The following CRB1 variants were observed in gnomAD, a reference collection of about 807,000 sequenced individuals.
CRB1 encodes the protein protein crumbs homolog 1.
In CRB1, 83 loss-of-function variants were observed where a neutral mutation model predicts 120.0. That is an observed-to-expected ratio of 0.69 (90% confidence interval 0.58 to 0.83). The LOEUF (loss-of-function observed/expected upper bound fraction) is 0.83. CRB1 is among the 40% of genes least tolerant of loss of function. CRB1 has a pLI of 0.00. For missense variants in CRB1, 1,699 were observed against 1,687.6 expected, an observed-to-expected ratio of 1.01 and a Z score of -0.12; for synonymous variants, 625 against 612.5, an observed-to-expected ratio of 1.02 and a Z score of -0.30.
At chr1:197,323,794 C>G (rs1658339999) in intron 1 of CRB1, among the ~76,000 whole-genome samples, 1 of 152,078 alleles carries the variant, frequency 6.6e-6, no homozygotes, top group South Asian at 2.1e-4. Flanking sequence ...CCCTAACGCC[C>G]AAGACCTGAT....
intron 6 of CRB1, among the ~76,000 whole-genome samples, chr1:197,423,440 T>C (rs1164948502): frequency 6.6e-6 from 1 of 152,224 alleles, no homozygotes; most frequent in Non-Finnish European, 1.5e-5. Context: ...AAGATCACTT[T>C]ACAGACAGAG....
intron 1 of CRB1, among the ~76,000 whole-genome samples, chr1:197,321,306 G>T (rs550110674): frequency 6.6e-6 from 1 of 152,234 alleles, no homozygotes; most frequent in East Asian, 1.9e-4. Context: ...TGGCATTGTA[G>T]TTGTTGTGCT....
chr1:197,309,776 A>ATAAATAAC (rs1571813308), intron 1 of CRB1, among the ~76,000 whole-genome samples: 1 of 151,218 alleles, frequency 6.6e-6, no homozygotes, highest in Non-Finnish European at 1.5e-5. Flanking sequence ...AAATAAATAA[A>ATAAATAAC]TAAATAAATA....
intron 1 of CRB1, among the ~76,000 whole-genome samples, chr1:197,277,450 G>T (rs957047849): frequency 7.2e-5 from 11 of 151,970 alleles, no homozygotes; most frequent in African/African-American, 2.7e-4. Context: ...TTTGCACAGA[G>T]ACCAGCTCTG....
rs1654722291 is a variant in CRB1 at position 197,268,475 on chromosome 1, C to A, written c.63C>A (p.Tyr21Ter). 6.2e-7 allele frequency: 1 copy of A among 1,610,090 alleles called. No individual in the cohort carries two copies. The highest frequency in any genetic ancestry group is 1.1e-5 in the South Asian group (1 of 91,010). The change falls in exon 1 of 12, where the codon TAC becomes TAA. Residue 21 changes from tyrosine to a stop codon, truncating the protein, a stop_gained. Coordinates refer to ENST00000367400, the MANE Select transcript of CRB1 (RefSeq NM_201253.3). LOFTEE classifies it high-confidence loss of function. ...ACCTCAGTTTCTCACTGCTTATCTA[C>A]ATAAAAAGTAAGCCTTTCCCACTTT... Reference protein sequence around the residue: ...IFYLSFSLLIYIKNSFCNKNN... With the variant: ...IFYLSFSLLI
chr1:197,398,892 T>TTGTGTGTG (rs140149936), intron 5 of CRB1, among the ~76,000 whole-genome samples: 1,845 of 136,368 alleles, frequency 0.014, 14 homozygotes, highest in African/African-American at 0.019. Context: ...CAGGAAATGA[T>TTGTGTGTG]TGTGTGTGTG....
chr1:197,397,027 A>G (rs987470017), intron 5 of CRB1, among the ~76,000 whole-genome samples: 1 of 152,124 alleles, frequency 6.6e-6, no homozygotes, highest in East Asian at 1.9e-4. Context: ...ATGTGAAAAT[A>G]TTGCAAAACA....
At chr1:197,477,398 T>A in intron 11 of CRB1, 1 of 491,868 alleles carries the variant, frequency 2.0e-6, no homozygotes, top group Non-Finnish European at 3.8e-6. Flanking sequence ...ATCATCTCAG[T>A]CACTGAGATT....
chr1:197,354,204 A>C (rs2125347011), intron 4 of CRB1, among the ~76,000 whole-genome samples: 1 of 152,352 alleles, frequency 6.6e-6, no homozygotes, highest in Admixed American at 6.5e-5. Context: ...GGTAATGTGC[A>C]AATGGTACAA....
At chr1:197,246,534 C>T in the CRB1 span, among the ~76,000 whole-genome samples, 1 of 151,884 alleles carries the variant, frequency 6.6e-6, no homozygotes, top group Non-Finnish European at 1.5e-5. Context: ...CTTTTAGAGT[C>T]TCCTTATATT....
intron 11 of CRB1, among the ~76,000 whole-genome samples, chr1:197,471,952 G>T (rs1489283066): frequency 6.6e-6 from 1 of 152,138 alleles, no homozygotes; most frequent in Non-Finnish European, 1.5e-5. Flanking sequence ...GTTAGTGGAT[G>T]AGCATTCGAG....
Position 197,427,747 on chromosome 1 carries a change from T to C in CRB1, c.2422T>C (p.Tyr808His). 2 of 1,614,046 alleles carry C rather than the reference T, an allele frequency of 1.2e-6. No individual in the cohort carries two copies. Among genetic ancestry groups the C allele is most frequent in the Non-Finnish European group, 8.5e-7 (1 of 1,179,978 alleles). Residue 808 changes from tyrosine to histidine, a missense_variant, in exon 7 of 12, where the codon TAT becomes CAT. By Grantham distance (83) the Tyr-to-His change is moderately conservative (BLOSUM62 2). Coordinates refer to ENST00000367400, the MANE Select transcript of CRB1 (RefSeq NM_201253.3). Reference protein sequence around the residue: ...LKIKPYKIELYQSSQNLGFIS... With the variant: ...LKIKPYKIELHQSSQNLGFIS... ...AATCAAGCCATATAAAATTGAACTGTATCAGTCTTCACAAAACCTAGGATT... is the reference window on the plus strand; with the variant it reads ...AATCAAGCCATATAAAATTGAACTGCATCAGTCTTCACAAAACCTAGGATT...
intron 5 of CRB1, among the ~76,000 whole-genome samples, chr1:197,402,864 C>T (rs917950211): frequency 5.9e-5 from 9 of 152,158 alleles, no homozygotes; most frequent in Non-Finnish European, 1.0e-4. Context: ...CACTTTTCTG[C>T]CCCCAATGTA....
At chr1:197,445,224 T>C (rs754340718) in intron 11 of CRB1, among the ~76,000 whole-genome samples, 1 of 152,208 alleles carries the variant, frequency 6.6e-6, no homozygotes, top group African/African-American at 2.4e-5. Context: ...AGCCTATATT[T>C]ACTTGAATAA....
intron 1 of CRB1, among the ~76,000 whole-genome samples, chr1:197,288,667 A>G (rs1316612430): frequency 1.3e-5 from 2 of 151,968 alleles, no homozygotes; most frequent in Non-Finnish European, 2.9e-5. Flanking sequence ...TTATAGAGAA[A>G]GAATCTACAA....
chr1:197,423,847 T>C (rs1470481737), intron 6 of CRB1, among the ~76,000 whole-genome samples: 1 of 152,194 alleles, frequency 6.6e-6, no homozygotes, highest in Non-Finnish European at 1.5e-5. Flanking sequence ...TCAAGGTTGA[T>C]CTTTTTTAAA....
chr1:197,463,626 G>A (rs1359670038), intron 11 of CRB1, among the ~76,000 whole-genome samples: 3 of 152,134 alleles, frequency 2.0e-5, no homozygotes, highest in African/African-American at 7.2e-5. Flanking sequence ...CTGCTTACTA[G>A]CTGTGTGACT....
intron 4 of CRB1, among the ~76,000 whole-genome samples, chr1:197,355,906 C>T (rs553569504): frequency 2.5e-4 from 38 of 152,354 alleles, no homozygotes; most frequent in East Asian, 7.7e-4. Context: ...GCCCAGGAGG[C>T]GCCCAGAGCG....
chr1:197,328,721 A>G lies in CRB1; in HGVS notation c.370A>G (p.Ile124Val). 5 of 1,612,402 alleles carry G rather than the reference A, an allele frequency of 3.1e-6. No homozygotes were observed. The highest frequency in any genetic ancestry group is 4.2e-6 in the Non-Finnish European group (5 of 1,178,732). The stretch of plus-strand genomic sequence containing the variant: ...CAAGAACTCCTGCCAACATGGAGGT[A>G]TTTGCCATCAGGACCCTATTTATCC... Reference protein sequence around the residue: ...CGKNSCQHGGICHQDPIYPVC... With the variant: ...CGKNSCQHGGVCHQDPIYPVC... Residue 124 changes from isoleucine (I) to valine (V), a missense_variant, in exon 2 of 12, where the codon ATT becomes GTT. Ile to Val is a conservative substitution (Grantham distance 29). Transcript: ENST00000367400.
Sources: gnomAD v4.1 joint callset for allele counts (sites outside exome capture counted in the v4.1 genomes callset) on GRCh38, gnomAD v4.1.1 for gene constraint, MANE v1.5 for transcripts, NCBI Gene and HGNC (gene_info 2026-07-23, HGNC 2026-07-21) for gene names.